QKI: variants seen among roughly 807,000 people sequenced by gnomAD.
QKI encodes KH domain-containing RNA-binding protein QKI.
QKI carries 10 observed loss-of-function variants against 39.0 expected under a neutral mutation model. The observed-to-expected ratio is 0.26, with a 90% CI of 0.16 to 0.43. The LOEUF is 0.43. Ranked by LOEUF, QKI falls within the 20% of genes least tolerant of loss-of-function variation. The pLI is 1.00. For missense variants in QKI, 218 were observed against 428.0 expected, an observed-to-expected ratio of 0.51 and a Z score of 4.33; for synonymous variants, 204 against 155.4, an observed-to-expected ratio of 1.31 and a Z score of -2.33.
At chr6:163,466,437 G>A (rs984393013) in intron 2 of QKI, among the ~76,000 whole-genome samples, 22 of 77,320 alleles carry the variant, frequency 2.8e-4, no homozygotes, top group Admixed American at 1.4e-4. Flanking sequence ...GCACCTAATC[G>A]CCAAAACAGT....
chr6:163,455,122 A>T (rs1164433790), intron 1 of QKI, 157 bp from the exon 2 acceptor site: 1 of 517,934 alleles, frequency 1.9e-6, no homozygotes, highest in Non-Finnish European at 3.3e-6. Flanking sequence ...TTGTTTAAAC[A>T]TGGGCTTAAT....
At chr6:163,450,352 C>G (rs1464813922) in intron 1 of QKI, among the ~76,000 whole-genome samples, 3 of 152,164 alleles carry the variant, frequency 2.0e-5, no homozygotes, top group African/African-American at 7.2e-5. Flanking sequence ...TCCACCACAA[C>G]CGGCCCAGTA....
At chr6:163,447,165 T>G (rs1006950152) in intron 1 of QKI, among the ~76,000 whole-genome samples, 1 of 152,072 alleles carries the variant, frequency 6.6e-6, no homozygotes, top group East Asian at 1.9e-4. Context: ...TAGCTGTGAC[T>G]TGGTCCAGTT....
At chr6:163,556,182 G>A (rs759395739) in intron 4 of QKI, among the ~76,000 whole-genome samples, 3 of 152,142 alleles carry the variant, frequency 2.0e-5, no homozygotes, top group Non-Finnish European at 4.4e-5. Flanking sequence ...TACATTAAAC[G>A]TGACCTGTTT....
chr6:163,475,598 G>A (rs1020246147), intron 2 of QKI, among the ~76,000 whole-genome samples: 11 of 152,070 alleles, frequency 7.2e-5, no homozygotes, highest in Admixed American at 5.2e-4. Flanking sequence ...TTATGACAGT[G>A]ATGACACTGG....
intron 4 of QKI, among the ~76,000 whole-genome samples, chr6:163,546,491 T>G (rs1287363973): frequency 1.3e-5 from 2 of 152,064 alleles, no homozygotes; most frequent in Non-Finnish European, 2.9e-5. Flanking sequence ...TATTTTTAAG[T>G]AAAATTATTA....
chr6:163,458,036 A>G (rs1791058771), intron 2 of QKI, among the ~76,000 whole-genome samples: 1 of 152,172 alleles, frequency 6.6e-6, no homozygotes, highest in Non-Finnish European at 1.5e-5. Flanking sequence ...GTGAACAGCA[A>G]GTACAGCTGA....
chr6:163,535,617 T>C (rs913240424), intron 4 of QKI, among the ~76,000 whole-genome samples: 1 of 151,912 alleles, frequency 6.6e-6, no homozygotes, highest in Non-Finnish European at 1.5e-5. Flanking sequence ...TATATGGAAA[T>C]GTGGACCCTA....
intron 1 of QKI, among the ~76,000 whole-genome samples, chr6:163,433,623 C>T (rs1484678638): frequency 4.6e-5 from 7 of 151,892 alleles, no homozygotes; most frequent in Non-Finnish European, 7.4e-5. Flanking sequence ...AAAAATTAGC[C>T]GGGTGTGGTG....
At chr6:163,533,040 GA>G (rs1780960044) in intron 3 of QKI, among the ~76,000 whole-genome samples, 1 of 151,780 alleles carries the variant, frequency 6.6e-6, no homozygotes, top group Non-Finnish European at 1.5e-5. Flanking sequence ...ATCTTGCCTG[GA>G]AACAGAAGTC....
At chr6:163,494,573 A>C (rs1315419263) in intron 3 of QKI, among the ~76,000 whole-genome samples, 3 of 152,170 alleles carry the variant, frequency 2.0e-5, no homozygotes, top group African/African-American at 7.2e-5. Flanking sequence ...ACAAGATGAC[A>C]CACCACCACC....
At chr6:163,528,058 C>G (rs1780620310) in intron 3 of QKI, among the ~76,000 whole-genome samples, 1 of 152,088 alleles carries the variant, frequency 6.6e-6, no homozygotes, top group Non-Finnish European at 1.5e-5. Context: ...AGATGTTTTT[C>G]TCCCAGTTCT....
chr6:163,489,972 T>C (rs1777950685), intron 3 of QKI, among the ~76,000 whole-genome samples: 1 of 152,164 alleles, frequency 6.6e-6, no homozygotes, highest in Non-Finnish European at 1.5e-5. Flanking sequence ...CCCTCTTCCT[T>C]CAGCCTCCCT....
intron 4 of QKI, among the ~76,000 whole-genome samples, chr6:163,544,652 TA>T (rs546825183): frequency 2.6e-4 from 40 of 152,232 alleles, no homozygotes; most frequent in African/African-American, 9.1e-4. Flanking sequence ...TTTGAGACTG[TA>T]AAATACTTTT....
intron 4 of QKI, among the ~76,000 whole-genome samples, chr6:163,555,460 A>AAG (rs1160398626): frequency 6.7e-6 from 1 of 149,744 alleles, no homozygotes; most frequent in Non-Finnish European, 1.5e-5. Context: ...GCAGTGAGCC[A>AAG]AGATCACGCC....
intron 4 of QKI, among the ~76,000 whole-genome samples, chr6:163,555,266 T>C (rs1782512519): frequency 6.6e-6 from 1 of 152,142 alleles, no homozygotes; most frequent in African/African-American, 2.4e-5. Flanking sequence ...AGTTTATGGA[T>C]ACAATTCATG....
At chr6:163,562,539 A>G (rs1000393603) in intron 5 of QKI, among the ~76,000 whole-genome samples, 2 of 152,232 alleles carry the variant, frequency 1.3e-5, no homozygotes, top group Admixed American at 6.5e-5. Context: ...TTGATTTCAT[A>G]TGTGAGTTCA....
chr6:163,550,449 G>T (rs577734133), intron 4 of QKI, among the ~76,000 whole-genome samples: 1 of 152,116 alleles, frequency 6.6e-6, no homozygotes, highest in East Asian at 1.9e-4. Context: ...TAGTAACAAA[G>T]CTACTTTTTC....
intron 4 of QKI, among the ~76,000 whole-genome samples, chr6:163,538,593 A>G (rs1027444302): frequency 4.6e-5 from 7 of 152,142 alleles, no homozygotes; most frequent in South Asian, 4.1e-4. Flanking sequence ...ATGAGAAGCT[A>G]TTTATTGGAG....
Sources: allele counts gnomAD v4.1 joint callset (sites outside exome capture counted in the v4.1 genomes callset), GRCh38; gene constraint gnomAD v4.1.1; transcripts MANE v1.5; gene names NCBI Gene and HGNC (gene_info 2026-07-23, HGNC 2026-07-21).